The following BMP5 variants were observed in gnomAD, a reference collection of about 807,000 sequenced individuals.
The protein encoded by BMP5 is bone morphogenetic protein 5.
In BMP5, 23 loss-of-function variants were observed where a neutral mutation model predicts 46.6. The ratio of observed to expected loss-of-function variants is 0.49; its 90% confidence interval spans 0.35 to 0.70. The LOEUF is 0.70. Ranked by LOEUF, BMP5 falls within the 30% of genes least tolerant of loss-of-function variation. The pLI is 0.00. For missense variants in BMP5, 545 were observed against 565.6 expected (o/e 0.96, Z 0.37); for synonymous variants, 204 against 191.9 (o/e 1.06, Z -0.52).
intron 2 of BMP5, among the ~76,000 whole-genome samples, chr6:55,796,669 G>C (rs919060181): frequency 9.8e-6 from 1 of 102,368 alleles, no homozygotes; most frequent in African/African-American, 4.1e-5. Flanking sequence ...CCCCACAACA[G>C]TCCCCAGAGT....
chr6:55,837,364 TA>T (rs200538801), intron 1 of BMP5, among the ~76,000 whole-genome samples: 2,449 of 149,992 alleles, frequency 0.016, 64 homozygotes, highest in African/African-American at 0.056. Context: ...GATAGATAGA[TA>T]GATAGATAGA....
At chr6:55,846,944 A>C (rs1303854279) in intron 1 of BMP5, among the ~76,000 whole-genome samples, 2 of 151,736 alleles carry the variant, frequency 1.3e-5, no homozygotes, top group Non-Finnish European at 2.9e-5. Flanking sequence ...GGAAGCAAAT[A>C]TTTATAGTTA....
At chr6:55,775,951 A>C (rs1340685312) in intron 3 of BMP5, among the ~76,000 whole-genome samples, 1 of 151,586 alleles carries the variant, frequency 6.6e-6, no homozygotes, top group Non-Finnish European at 1.5e-5. Context: ...CAATTTAGAC[A>C]GCATAGGTAT....
chr6:55,774,031 G>A lies in BMP5; in HGVS notation c.1027+18C>T. ...CCATAACTCTCTGTGCATAACTGCT[G>A]CTCGGGTTTATTCTTACCTCCAACA... On this transcript the variant is annotated intron_variant, in intron 4 of 6. Transcript: ENST00000370830. The A allele has an allele frequency of 6.2e-7, 1 of 1,610,986 alleles. No individual in the cohort carries two copies. Among genetic ancestry groups the A allele is most frequent in the Non-Finnish European group, 8.5e-7 (1 of 1,178,358 alleles).
At chr6:55,761,836 C>T (rs1341624743) in intron 4 of BMP5, among the ~76,000 whole-genome samples, 3 of 151,936 alleles carry the variant, frequency 2.0e-5, no homozygotes, top group Admixed American at 6.6e-5. Context: ...AAAATATAAG[C>T]GTCATAGGGG....
intron 1 of BMP5, among the ~76,000 whole-genome samples, chr6:55,831,553 A>T (rs566509092): frequency 2.0e-5 from 3 of 152,230 alleles, no homozygotes; most frequent in African/African-American, 7.2e-5. Context: ...GTAAAGCAGA[A>T]AGTTAATCTC....
chr6:55,772,697 T>C (rs1353352497), intron 4 of BMP5: 4 of 941,432 alleles, frequency 4.2e-6, no homozygotes, highest in Middle Eastern at 5.4e-4. Flanking sequence ...AGTGTCATGC[T>C]TTACTAAAAG....
chr6:55,823,144 C>T (rs1776448042), intron 1 of BMP5, among the ~76,000 whole-genome samples: 1 of 151,874 alleles, frequency 6.6e-6, no homozygotes, highest in African/African-American at 2.4e-5. Context: ...ATGTCTGTCT[C>T]CTAAAGTTTA....
chr6:55,835,265 A>G (rs1173627946), intron 1 of BMP5, among the ~76,000 whole-genome samples: 3 of 152,090 alleles, frequency 2.0e-5, no homozygotes, highest in African/African-American at 7.2e-5. Flanking sequence ...TTTCCCACCA[A>G]ATTCTCAACA....
At chr6:55,828,597 T>A (rs1278329467) in intron 1 of BMP5, among the ~76,000 whole-genome samples, 2 of 151,830 alleles carry the variant, frequency 1.3e-5, no homozygotes, top group African/African-American at 4.8e-5. Context: ...AAGTTTGTTT[T>A]TAAAAAATCA....
chr6:55,765,953 GCCT>G (rs1774907178), intron 4 of BMP5, among the ~76,000 whole-genome samples: 1 of 152,048 alleles, frequency 6.6e-6, no homozygotes, highest in Non-Finnish European at 1.5e-5. Flanking sequence ...GTTCCCTGAC[GCCT>G]CCTGCTCACT....
At chr6:55,849,103 T>C (rs1777161346) in intron 1 of BMP5, among the ~76,000 whole-genome samples, 1 of 152,042 alleles carries the variant, frequency 6.6e-6, no homozygotes, top group South Asian at 2.1e-4. Flanking sequence ...TTCTTGAAGC[T>C]AAATGGTCCA....
At chr6:55,839,470 C>T (rs1191616704) in intron 1 of BMP5, among the ~76,000 whole-genome samples, 2 of 152,062 alleles carry the variant, frequency 1.3e-5, no homozygotes, top group Non-Finnish European at 2.9e-5. Flanking sequence ...GCATTCACAA[C>T]CACCAGGCTA....
rs766509217 is a variant in BMP5 at position 55,774,035 on chromosome 6, G to A, written c.1027+14C>T. 28 of 1,611,296 alleles carry A rather than the reference G, an allele frequency of 1.7e-5. No homozygotes were observed. In the Admixed American group the frequency reaches 2.5e-4, roughly 14 times the overall value. ...AACTCTCTGTGCATAACTGCTGCTC[G>A]GGTTTATTCTTACCTCCAACACTGG... On this transcript the variant is annotated intron_variant, in intron 4 of 6. Coordinates refer to ENST00000370830, the MANE Select transcript of BMP5 (RefSeq NM_021073.4).
chr6:55,871,018 T>C (rs1357964241), intron 1 of BMP5, among the ~76,000 whole-genome samples: 1 of 151,976 alleles, frequency 6.6e-6, no homozygotes, highest in Non-Finnish European at 1.5e-5. Context: ...ACATCTAGTG[T>C]TATGTCATTA....
chr6:55,778,378 T>A (rs1775227630), intron 3 of BMP5, among the ~76,000 whole-genome samples: 1 of 151,994 alleles, frequency 6.6e-6, no homozygotes, highest in Non-Finnish European at 1.5e-5. Flanking sequence ...ATTTCAGTGA[T>A]CTTGCTGGTG....
At chr6:55,871,456 C>A (rs1476806484) in intron 1 of BMP5, among the ~76,000 whole-genome samples, 2 of 151,770 alleles carry the variant, frequency 1.3e-5, no homozygotes, top group Non-Finnish European at 3.0e-5. Flanking sequence ...ATAAACGAGT[C>A]ACTAAAATAA....
intron 1 of BMP5, among the ~76,000 whole-genome samples, chr6:55,842,513 A>T (rs997449228): frequency 2.0e-5 from 3 of 152,028 alleles, no homozygotes; most frequent in East Asian, 1.9e-4. Context: ...TAGCACCTTT[A>T]TTTATAGTGT....
chr6:55,816,934 C>T (rs369029422), intron 2 of BMP5, among the ~76,000 whole-genome samples: 2 of 151,842 alleles, frequency 1.3e-5, no homozygotes, highest in South Asian at 2.1e-4. Flanking sequence ...AACAAGTGGG[C>T]GAAGGACATG....
Sources: allele counts gnomAD v4.1 joint callset (sites outside exome capture counted in the v4.1 genomes callset), GRCh38; gene constraint gnomAD v4.1.1; transcripts MANE v1.5; gene names NCBI Gene and HGNC (gene_info 2026-07-23, HGNC 2026-07-21).